Variants in RBFOX1 observed in about 807,000 individuals in gnomAD.
RBFOX1 encodes the protein RNA binding protein fox-1 homolog 1.
RBFOX1 carries 8 observed loss-of-function variants against 57.7 expected under a neutral mutation model. That is an observed-to-expected ratio of 0.14 (90% CI 0.08 to 0.25). The LOEUF (loss-of-function observed/expected upper bound fraction) is 0.25, where lower values mean the gene tolerates loss of function less well. RBFOX1 is among the 10% of genes least tolerant of loss of function. The pLI is 1.00. For synonymous variants in RBFOX1, 326 were observed against 222.4 expected, an observed-to-expected ratio of 1.47 and a Z score of -4.15; for missense variants, 611 against 548.5, an observed-to-expected ratio of 1.11 and a Z score of -1.14.
intron 2 of RBFOX1, among the ~76,000 whole-genome samples, chr16:6,506,584 A>C (rs802695): frequency 0.86 from 125,149 of 144,960 alleles, 54,072 homozygotes; most frequent in Non-Finnish European, 0.89. Context: ...TTTGATGTTG[A>C]ATTTGTCAGT....
intron 3 of RBFOX1, among the ~76,000 whole-genome samples, chr16:6,833,116 G>A (rs1415292327): frequency 1.4e-5 from 2 of 145,516 alleles, no homozygotes; most frequent in Non-Finnish European, 1.5e-5. Flanking sequence ...TTTTTCTGTG[G>A]CACTTTCCTT....
chr16:6,551,988 A>G (rs2096998837), intron 2 of RBFOX1, among the ~76,000 whole-genome samples: 1 of 152,196 alleles, frequency 6.6e-6, no homozygotes, highest in African/African-American at 2.4e-5. Flanking sequence ...ATATCCCATT[A>G]CCAGTCAATT....
At chr16:5,369,719 C>G (rs1021418224) in intron 1 of RBFOX1, among the ~76,000 whole-genome samples, 3 of 152,162 alleles carry the variant, frequency 2.0e-5, no homozygotes, top group Non-Finnish European at 2.9e-5. Context: ...AGTCAGGATC[C>G]TTTGTGTGGT....
At chr16:6,527,711 C>T (rs143187570) in intron 2 of RBFOX1, among the ~76,000 whole-genome samples, 1 of 152,100 alleles carries the variant, frequency 6.6e-6, no homozygotes, top group Non-Finnish European at 1.5e-5. Context: ...CCTCCTGAGT[C>T]AGAGCCTGAA....
intron 5 of RBFOX1, among the ~76,000 whole-genome samples, chr16:7,566,589 C>T (rs936283199): frequency 6.6e-6 from 1 of 152,086 alleles, no homozygotes; most frequent in Non-Finnish European, 1.5e-5. Flanking sequence ...TATGGCGACT[C>T]GGTAAAATAA....
chr16:7,063,522 C>A (rs1171657209), intron 4 of RBFOX1, among the ~76,000 whole-genome samples: 1 of 152,098 alleles, frequency 6.6e-6, no homozygotes, highest in Non-Finnish European at 1.5e-5. Context: ...TGGAGATGGA[C>A]CCAAGGGACT....
chr16:6,780,814 G>A (rs142876580), intron 3 of RBFOX1, among the ~76,000 whole-genome samples: 2 of 151,852 alleles, frequency 1.3e-5, no homozygotes, highest in African/African-American at 4.8e-5. Context: ...CTATTCAGAT[G>A]TTTGCTCATT....
intron 4 of RBFOX1, among the ~76,000 whole-genome samples, chr16:7,462,393 GC>G (rs1464314648): frequency 1.3e-5 from 2 of 152,200 alleles, no homozygotes; most frequent in African/African-American, 2.4e-5. Context: ...TACTCAGGGG[GC>G]TGAGGAGAAT....
At chr16:6,824,131 G>A (rs1445863089) in intron 3 of RBFOX1, among the ~76,000 whole-genome samples, 7 of 152,172 alleles carry the variant, frequency 4.6e-5, no homozygotes, top group African/African-American at 7.2e-5. Context: ...TTGGCTAGGC[G>A]CTGTTGCTGG....
intron 1 of RBFOX1, among the ~76,000 whole-genome samples, chr16:6,304,722 C>T (rs375751373): frequency 6.5e-4 from 98 of 151,626 alleles, no homozygotes; most frequent in African/African-American, 2.2e-3. Context: ...GTCTCTCTAC[C>T]AAAAATACAA....
chr16:7,050,072 C>T (rs78613856), intron 3 of RBFOX1, among the ~76,000 whole-genome samples: 3,518 of 152,000 alleles, frequency 0.023, 91 homozygotes, highest in South Asian at 0.031. Flanking sequence ...TGAATTTTCC[C>T]TACTTCATCT....
intron 1 of RBFOX1, among the ~76,000 whole-genome samples, chr16:6,244,040 C>G (rs961299424): frequency 2.0e-5 from 3 of 152,152 alleles, no homozygotes; most frequent in African/African-American, 7.2e-5. Context: ...GTGAGTGATG[C>G]AGTCTTCTCT....
chr16:5,671,735 C>A (rs1332363780), intron 3 of RBFOX1, among the ~76,000 whole-genome samples: 1 of 152,156 alleles, frequency 6.6e-6, no homozygotes, highest in Admixed American at 6.5e-5. Flanking sequence ...GGAGCTAATG[C>A]TTTTGCTAAT....
chr16:7,342,417 C>T (rs930512531), intron 4 of RBFOX1, among the ~76,000 whole-genome samples: 11 of 152,248 alleles, frequency 7.2e-5, no homozygotes, highest in East Asian at 5.8e-4. Flanking sequence ...AACCTGTCTG[C>T]GGGGATGGTC....
chr16:5,320,838 G>A (rs1231220036), intron 1 of RBFOX1, among the ~76,000 whole-genome samples: 1 of 152,134 alleles, frequency 6.6e-6, no homozygotes, highest in South Asian at 2.1e-4. Flanking sequence ...CCCTAGGCAC[G>A]AGGGGGTTCT....
intron 3 of RBFOX1, among the ~76,000 whole-genome samples, chr16:5,753,341 T>C (rs1181161466): frequency 1.3e-5 from 2 of 152,218 alleles, no homozygotes; most frequent in Non-Finnish European, 2.9e-5. Context: ...CTATGAATTT[T>C]ACACTATGTG....
chr16:6,848,877 G>T (rs1012592989), intron 3 of RBFOX1, among the ~76,000 whole-genome samples: 3 of 152,170 alleles, frequency 2.0e-5, no homozygotes, highest in Non-Finnish European at 4.4e-5. Flanking sequence ...TTCCTCAGGT[G>T]TCAAAGAGGA....
At chr16:6,875,032 G>C (rs749339293) in intron 3 of RBFOX1, among the ~76,000 whole-genome samples, 1 of 152,190 alleles carries the variant, frequency 6.6e-6, no homozygotes, top group Non-Finnish European at 1.5e-5. Context: ...GAGAAGTTGT[G>C]AGTGGGAGCA....
At chr16:6,999,460 A>T (rs962113994) in intron 3 of RBFOX1, among the ~76,000 whole-genome samples, 3 of 151,292 alleles carry the variant, frequency 2.0e-5, no homozygotes, top group African/African-American at 7.3e-5. Flanking sequence ...TTTGAGACGG[A>T]GTCTTGCTCT....
Sources: gnomAD v4.1 joint callset for allele counts (sites outside exome capture counted in the v4.1 genomes callset) on GRCh38, gnomAD v4.1.1 for gene constraint, MANE v1.5 for transcripts, NCBI Gene and HGNC (gene_info 2026-07-23, HGNC 2026-07-21) for gene names.